ASTN2: variants seen among roughly 807,000 people sequenced by gnomAD.
ASTN2 encodes astrotactin-2.
In ASTN2, 54 loss-of-function variants were observed where a neutral mutation model predicts 139.8. That is an observed-to-expected ratio of 0.39 (90% confidence interval 0.31 to 0.48). The LOEUF is 0.48. ASTN2 is among the 20% of genes least tolerant of loss of function. The probability of loss-of-function intolerance (pLI) is 0.95; values close to 1 mark genes in which losing one functional copy is unlikely to be tolerated. For missense variants in ASTN2, 1,565 were observed against 1,725.1 expected, an observed-to-expected ratio of 0.91 and a Z score of 1.64; for synonymous variants, 756 against 719.5, an observed-to-expected ratio of 1.05 and a Z score of -0.81.
chr9:117,413,052 C>T (rs982142222), intron 1 of ASTN2, among the ~76,000 whole-genome samples: 5 of 152,188 alleles, frequency 3.3e-5, no homozygotes, highest in African/African-American at 1.2e-4. Flanking sequence ...CCTCCCGGAA[C>T]GCTCGGCACG....
intron 2 of ASTN2, among the ~76,000 whole-genome samples, chr9:117,267,896 C>T (rs1254989683): frequency 6.6e-6 from 1 of 152,172 alleles, no homozygotes; most frequent in African/African-American, 2.4e-5. Flanking sequence ...TGAAGTCCTG[C>T]TCCTGCAACT....
chr9:117,342,249 G>A (rs1156869398), intron 1 of ASTN2, among the ~76,000 whole-genome samples: 1 of 152,178 alleles, frequency 6.6e-6, no homozygotes, highest in Admixed American at 6.5e-5. Context: ...CCAGATGGTT[G>A]GGAGCTTGAA....
In ASTN2 at chr9:116,943,738, G is replaced by A. The variant is rs147055362; in HGVS notation, c.1889+31470C>T. Among the ~76,000 whole-genome samples the A allele has an allele frequency of 4.6e-5, 7 of 152,240 alleles. No homozygotes were observed. The East Asian group carries it at 1.4e-3, about 29-fold the overall frequency. On this transcript the variant is annotated intron_variant, in intron 10 of 22. Coordinates refer to ENST00000313400, the MANE Select transcript of ASTN2 (RefSeq NM_001365068.1). ...GCCTCAACTCTGGGCAGTGTCTTGT[G>A]CCTTAAATGTGCTGGTCTCCTGCAT... is the stretch of plus-strand genomic sequence containing the variant.
At chr9:117,001,759 T>G (rs2132571321) in intron 7 of ASTN2, among the ~76,000 whole-genome samples, 1 of 152,326 alleles carries the variant, frequency 6.6e-6, no homozygotes, top group Admixed American at 6.5e-5. Flanking sequence ...AGAATACATT[T>G]CTCCCTGTTC....
At chr9:117,125,830 G>GT (rs1829674316) in intron 4 of ASTN2, among the ~76,000 whole-genome samples, 2 of 128,568 alleles carry the variant, frequency 1.6e-5, no homozygotes, top group African/African-American at 5.4e-5. Flanking sequence ...TCATTGCGGC[G>GT]GGGGGGGGAA....
chr9:117,329,263 T>C (rs1828625564), intron 1 of ASTN2, among the ~76,000 whole-genome samples: 1 of 150,130 alleles, frequency 6.7e-6, no homozygotes, highest in African/African-American at 2.5e-5. Flanking sequence ...TGAAACAAGA[T>C]TTTTTTTGAA....
intron 1 of ASTN2, among the ~76,000 whole-genome samples, chr9:117,344,952 A>C (rs574044710): frequency 3.3e-5 from 5 of 152,166 alleles, no homozygotes; most frequent in Non-Finnish European, 5.9e-5. Context: ...CAACACTGAC[A>C]CATGCCGCCT....
chr9:117,178,709 G>T (rs1830979572), intron 3 of ASTN2, among the ~76,000 whole-genome samples: 1 of 152,228 alleles, frequency 6.6e-6, no homozygotes, highest in South Asian at 2.1e-4. Flanking sequence ...GATCCAATTA[G>T]CAAGGGCACA....
chr9:116,533,369 T>C lies in ASTN2; in HGVS notation c.3356-45869A>G, dbSNP rs1046687980. Among the ~76,000 whole-genome samples, 61 of 152,220 alleles carry C rather than the reference T, an allele frequency of 4.0e-4. 1 individual carries two copies. The highest frequency in any genetic ancestry group is 3.3e-4 in the Admixed American group (5 of 15,280). On this transcript the variant is annotated intron_variant, in intron 19 of 22. Transcript: ENST00000313400. ...CCCTTTATTTCTTTCTCCTGCCTGA[T>C]TGCCCTGGCCAGAACTCCCAACGCT...
chr9:116,927,438 C>T (rs141347887), intron 10 of ASTN2, among the ~76,000 whole-genome samples: 45 of 152,306 alleles, frequency 3.0e-4, no homozygotes, highest in African/African-American at 9.1e-4. Flanking sequence ...GTGGGTTTTG[C>T]TTTCCTGGCT....
chr9:116,925,865 C>CAA (rs1554761472), intron 10 of ASTN2, among the ~76,000 whole-genome samples: 72 of 97,876 alleles, frequency 7.4e-4, no homozygotes, highest in African/African-American at 2.3e-3. Context: ...CAACACAACA[C>CAA]ACACACACAC....
At chr9:116,701,542 G>A (rs1371078172) in intron 16 of ASTN2, among the ~76,000 whole-genome samples, 2 of 152,196 alleles carry the variant, frequency 1.3e-5, no homozygotes, top group South Asian at 4.1e-4. Context: ...CACACAGTTT[G>A]CAGTGGAGAG....
intron 5 of ASTN2, among the ~76,000 whole-genome samples, chr9:117,079,540 C>A (rs1432774050): frequency 2.0e-5 from 3 of 152,146 alleles, no homozygotes; most frequent in African/African-American, 7.2e-5. Context: ...CCTTTACTCA[C>A]AACATCATGC....
At chr9:116,462,471 A>G (rs1266738862) in intron 20 of ASTN2, among the ~76,000 whole-genome samples, 5 of 152,188 alleles carry the variant, frequency 3.3e-5, no homozygotes, top group Non-Finnish European at 7.3e-5. Context: ...ATGCAATAAT[A>G]ATCCTGTATT....
chr9:117,048,962 G>GTTTTTTTT (rs1838828395), intron 5 of ASTN2, among the ~76,000 whole-genome samples: 2 of 50,322 alleles, frequency 4.0e-5, no homozygotes. Flanking sequence ...TTCATCCATT[G>GTTTTTTTT]CTTTTTTTTT....
chr9:116,917,340 C>T (rs1053045569), intron 10 of ASTN2, among the ~76,000 whole-genome samples: 25 of 152,000 alleles, frequency 1.6e-4, no homozygotes, highest in African/African-American at 4.6e-4. Flanking sequence ...AGCCCCACCC[C>T]CCAACTAGAC....
At chr9:116,879,234 G>A (rs756653831) in intron 10 of ASTN2, among the ~76,000 whole-genome samples, 14 of 152,256 alleles carry the variant, frequency 9.2e-5, no homozygotes, top group Middle Eastern at 3.4e-3. Flanking sequence ...GGCTCTTCCA[G>A]CTCCAATTTC....
chr9:117,373,412 C>T (rs1022638811), intron 1 of ASTN2, among the ~76,000 whole-genome samples: 2 of 152,272 alleles, frequency 1.3e-5, no homozygotes, highest in East Asian at 3.9e-4. Flanking sequence ...TTTGGCTTCC[C>T]TGGTACCACC....
At chr9:116,687,848 G>A (rs1012949706) in intron 16 of ASTN2, among the ~76,000 whole-genome samples, 2 of 152,010 alleles carry the variant, frequency 1.3e-5, no homozygotes, top group African/African-American at 4.8e-5. Context: ...GATGATAGGA[G>A]CAAGGTCTAG....
Sources: allele counts gnomAD v4.1 joint callset (sites outside exome capture counted in the v4.1 genomes callset), GRCh38; gene constraint gnomAD v4.1.1; transcripts MANE v1.5; gene names NCBI Gene and HGNC (gene_info 2026-07-23, HGNC 2026-07-21).